The following SURF2 variants were observed in gnomAD, a reference collection of about 807,000 sequenced individuals.
SURF2 encodes the protein surfeit locus protein 2.
Under a neutral mutation model 26.2 loss-of-function variants are expected in SURF2, and 32 were observed. That is an observed-to-expected ratio of 1.22 (90% CI 0.92 to 1.64). The LOEUF is 1.64. SURF2 is among the 40% of genes most tolerant of loss of function. The pLI is 0.00. For synonymous variants in SURF2, 173 were observed against 139.1 expected, an observed-to-expected ratio of 1.24 and a Z score of -1.71; for missense variants, 415 against 341.6, an observed-to-expected ratio of 1.21 and a Z score of -1.69.
intron 5 of SURF2, 37 bp downstream of exon 5, chr9:133,360,471 T>C (rs2130052367): frequency 1.3e-6 from 2 of 1,547,194 alleles, no homozygotes; most frequent in Admixed American, 2.1e-5. Flanking sequence ...TGGCAGTGGC[T>C]TCCCCTAGTG....
Position 133,356,959 on chromosome 9 carries a change from G to C in SURF2, c.124G>C (p.Glu42Gln). Residue 42 changes from glutamate (E) to glutamine (Q), a missense_variant, in exon 2 of 6, where the codon GAG becomes CAG. Transcript: ENST00000371964. Reference protein sequence around the residue: ...TGHELPCRLPELQVYTRGKKY... With the variant: ...TGHELPCRLPQLQVYTRGKKY... ...TCACGAGCTGCCCTGCCGCCTGCCG[G>C]AGCTCCAGGTCTACACCCGCGGCAA... 1.9e-6 allele frequency: 3 copies of C among 1,569,004 alleles called. No homozygotes were observed. The highest frequency in any genetic ancestry group is 1.2e-5 in the South Asian group (1 of 85,578).
intron 1 of SURF2, 34 bp from the exon 2 acceptor site, chr9:133,356,880 C>T (rs2130030782): frequency 2.0e-6 from 3 of 1,520,576 alleles, no homozygotes; most frequent in Non-Finnish European, 2.6e-6. Flanking sequence ...GAGCCCTGGC[C>T]CTCCTGACGT....
At chr9:133,359,126 G>T (rs1357912101) in intron 3 of SURF2, among the ~76,000 whole-genome samples, 1 of 152,190 alleles carries the variant, frequency 6.6e-6, no homozygotes, top group Non-Finnish European at 1.5e-5. Flanking sequence ...GGTTATGATG[G>T]TGGACTGTGG....
intron 3 of SURF2, among the ~76,000 whole-genome samples, chr9:133,358,221 A>C (rs1056716687): frequency 6.6e-6 from 1 of 151,948 alleles, no homozygotes; most frequent in Non-Finnish European, 1.5e-5. Flanking sequence ...CTGAGGCAAA[A>C]ATGTGTTGGC....
intron 3 of SURF2, 25 bp from the exon 4 acceptor site, chr9:133,359,925 C>T (rs186793557): frequency 5.4e-5 from 86 of 1,587,634 alleles, no homozygotes; most frequent in Non-Finnish European, 7.0e-5. Flanking sequence ...TGGAGGTACC[C>T]AGCACGTGCT....
At chr9:133,360,536 CCCAAG>C in intron 5 of SURF2, 102 bp downstream of exon 5, 1 of 1,350,026 alleles carries the variant, frequency 7.4e-7, no homozygotes, top group Non-Finnish European at 9.8e-7. Context: ...CAAGTGAAAT[CCCAAG>C]CCAACAACAC....
intron 3 of SURF2, 34 bp downstream of exon 3, chr9:133,357,848 C>T (rs1836651526): frequency 1.3e-6 from 2 of 1,595,786 alleles, no homozygotes; most frequent in Admixed American, 1.7e-5. Context: ...AGTGCATCGC[C>T]ATCTGAGTGC....
rs113323294 is a variant in SURF2, at chr9:133,360,130, G to A, written c.517+1G>A. The A allele has an allele frequency of 6.2e-6, 10 of 1,604,154 alleles. No homozygotes were observed. The highest frequency in any genetic ancestry group is 2.2e-5 in the South Asian group (2 of 89,630). On this transcript the variant is annotated splice_donor_variant, in intron 4 of 5. Coordinates refer to ENST00000371964, the MANE Select transcript of SURF2 (RefSeq NM_017503.5). LOFTEE classifies it high-confidence loss of function. ...GACAGCATGACAGACCTGTACCCAC[G>A]TAAGCAGAACAGGCCCTGCTTCTCC... is the stretch of plus-strand genomic sequence containing the variant.
Position 133,356,934 on chromosome 9 carries a change from T to TC in SURF2, c.100dup (p.His34ProfsTer79). Reference sequence around the variant, plus strand: ...CGCAGGTGAGGTGCATCCTGACAGGTCACGAGCTGCCCTGCCGCCTGCCGG... The same window carrying TC: ...CGCAGGTGAGGTGCATCCTGACAGGTCCACGAGCTGCCCTGCCGCCTGCCGG... On this transcript the variant is annotated frameshift_variant, in exon 2 of 6. Coordinates refer to ENST00000371964, the MANE Select transcript of SURF2 (RefSeq NM_017503.5). LOFTEE classifies it high-confidence loss of function. 6.4e-7 allele frequency: 1 copy of TC among 1,564,022 alleles called. No homozygotes were observed.
chr9:133,356,899 C>T lies in SURF2; in HGVS notation c.79-15C>T. On this transcript the variant is annotated splice_polypyrimidine_tract_variant and intron_variant, in intron 1 of 5. Coordinates refer to ENST00000371964, the MANE Select transcript of SURF2 (RefSeq NM_017503.5). Reference sequence around the variant, plus strand: ...CCTGGCCCTCCTGACGTCCTGCCCGCCCACGCGTCCGCAGGTGAGGTGCAT... The same window carrying T: ...CCTGGCCCTCCTGACGTCCTGCCCGTCCACGCGTCCGCAGGTGAGGTGCAT... 6.5e-7 allele frequency: 1 copy of T among 1,540,812 alleles called. No homozygotes were observed. The highest frequency in any genetic ancestry group is 8.8e-7 in the Non-Finnish European group (1 of 1,142,472).
At position 133,357,183 on chromosome 9, in the gene SURF2, G is replaced by A. The variant is rs1055034792; in HGVS notation, c.233+115G>A. On this transcript the variant is annotated intron_variant, in intron 2 of 5. Transcript: ENST00000371964. ...CAGAGTTGGGAGCCCTGGGACCCAGGTGGGCGCCCGGGTGCTGGAATCACC... is the reference window on the plus strand; with the variant it reads ...CAGAGTTGGGAGCCCTGGGACCCAGATGGGCGCCCGGGTGCTGGAATCACC... The A allele has an allele frequency of 1.5e-6, 2 of 1,317,284 alleles. 1 individual carries two copies. Among genetic ancestry groups the A allele is most frequent in the Non-Finnish European group, 2.0e-6 (2 of 1,007,852 alleles). 81.6% of individuals were successfully genotyped at this position (1,317,284 alleles called of 1,614,324 possible).
In SURF2 at chr9:133,357,043, C is replaced by T; in HGVS notation, c.208C>T (p.His70Tyr). ...PAFDYAEFEP[H>Y]IVPSTKNPHQ... ...CTTCGACTATGCAGAGTTCGAGCCG[C>T]ACATCGTGCCCAGCACCAAGAACCC... Residue 70 changes from histidine (H) to tyrosine (Y), a missense_variant, in exon 2 of 6, where the codon CAC becomes TAC. By Grantham distance (83) the His-to-Tyr change is moderately conservative. Transcript: ENST00000371964. 6.3e-7 allele frequency: 1 copy of T among 1,579,902 alleles called. No homozygotes were observed. Among genetic ancestry groups the T allele is most frequent in the Non-Finnish European group, 8.6e-7 (1 of 1,164,560 alleles).
At chr9:133,359,250 A>G (rs1431386044) in intron 3 of SURF2, among the ~76,000 whole-genome samples, 1 of 152,140 alleles carries the variant, frequency 6.6e-6, no homozygotes, top group East Asian at 1.9e-4. Flanking sequence ...AGGCTGCTGC[A>G]TGGCCATGGG....
Position 133,359,962 on chromosome 9 carries a change from A to G in SURF2, c.350A>G (p.Gln117Arg). The change falls in exon 4 of 6, where the codon CAG becomes CGG. Residue 117 changes from glutamine (Q) to arginine (R), a missense_variant. By Grantham distance (43) the Gln-to-Arg change is conservative (BLOSUM62 1). Coordinates refer to ENST00000371964, the MANE Select transcript of SURF2 (RefSeq NM_017503.5). ...QRALCKYEEC[Q>R]KQGVEYVPAC... ...GCTTATCTCCCAGATGAAGAATGTC[A>G]GAAGCAAGGGGTGGAGTACGTGCCT... is the stretch of plus-strand genomic sequence containing the variant. The G allele has an allele frequency of 6.2e-7, 1 of 1,610,708 alleles. No homozygotes were observed. The highest frequency in any genetic ancestry group is 8.5e-7 in the Non-Finnish European group (1 of 1,178,008).
chr9:133,359,798 A>G, intron 3 of SURF2, 152 bp from the exon 4 acceptor site: 1 of 898,408 alleles, frequency 1.1e-6, no homozygotes, highest in Non-Finnish European at 1.6e-6. Flanking sequence ...CCTGGTAGGA[A>G]CAGAGCTGAG....
chr9:133,360,563 A>G, intron 5 of SURF2, 129 bp downstream of exon 5: 1 of 1,216,732 alleles, frequency 8.2e-7, no homozygotes, highest in Non-Finnish European at 1.1e-6. Flanking sequence ...CAAGAACCAT[A>G]GAAGCCGAGG....
chr9:133,360,521 T>C, intron 5 of SURF2, 87 bp downstream of exon 5: 11 of 1,405,860 alleles, frequency 7.8e-6, no homozygotes, highest in East Asian at 2.5e-5. Context: ...ACTGAACCTT[T>C]TTCACAAGTG....
rs1236971407 is a variant in SURF2 at position 133,357,032 on chromosome 9, A to T, written c.197A>T (p.Glu66Val). 14 of 1,577,394 alleles carry T rather than the reference A, an allele frequency of 8.9e-6. No individual in the cohort carries two copies. The highest frequency in any genetic ancestry group is 1.2e-5 in the Non-Finnish European group (14 of 1,163,302). The change falls in exon 2 of 6, where the codon GAG becomes GTG. Residue 66 changes from glutamate to valine, a missense_variant. Coordinates refer to ENST00000371964, the MANE Select transcript of SURF2 (RefSeq NM_017503.5). The stretch of plus-strand genomic sequence containing the variant: ...GCCTCCCCGGCCTTCGACTATGCAG[A>T]GTTCGAGCCGCACATCGTGCCCAGC... Reference protein sequence around the residue: ...VRASPAFDYAEFEPHIVPSTK... With the variant: ...VRASPAFDYAVFEPHIVPSTK...
In SURF2 at chr9:133,356,638, C is replaced by A; in HGVS notation, c.46C>A (p.Pro16Thr). 1.3e-6 allele frequency: 2 copies of A among 1,526,838 alleles called. No homozygotes were observed. The highest frequency in any genetic ancestry group is 1.7e-6 in the Non-Finnish European group (2 of 1,143,838). 94.6% of individuals were successfully genotyped at this position (1,526,838 alleles called of 1,614,324 possible). A position where few individuals can be genotyped will look rare whatever the true frequency, so the allele number is the denominator to read the frequency against. The change falls in exon 1 of 6, where the codon CCG becomes ACG. Residue 16 changes from proline (P) to threonine (T), a missense_variant. Physicochemically the swap from Pro to Thr is conservative, Grantham distance 38 (BLOSUM62 -1). Transcript: ENST00000371964. Reference protein sequence around the residue: ...GDVRAFLREHPSLRLQTDARK... With the variant: ...GDVRAFLREHTSLRLQTDARK... ...CGTGCGGGCGTTTCTGCGGGAGCAC[C>A]CGAGCCTGCGGCTCCAGACGGACGC...
Sources: allele counts gnomAD v4.1 joint callset (sites outside exome capture counted in the v4.1 genomes callset), GRCh38; gene constraint gnomAD v4.1.1; transcripts MANE v1.5; gene names NCBI Gene and HGNC (gene_info 2026-07-23, HGNC 2026-07-21).